OTUD3: variants seen among roughly 807,000 people sequenced by gnomAD.
OTUD3 encodes the protein OTU domain-containing protein 3.
OTUD3 carries 24 observed loss-of-function variants against 46.2 expected under a neutral mutation model. That is an observed-to-expected ratio of 0.52 (90% CI 0.38 to 0.73). The LOEUF (loss-of-function observed/expected upper bound fraction) is 0.73, where lower values mean the gene tolerates loss of function less well. OTUD3 is among the 30% of genes least tolerant of loss of function. The pLI is 0.00. For missense variants in OTUD3, 455 were observed against 523.3 expected, an observed-to-expected ratio of 0.87 and a Z score of 1.27; for synonymous variants, 189 against 195.4, an observed-to-expected ratio of 0.97 and a Z score of 0.27.
intron 2 of OTUD3, among the ~76,000 whole-genome samples, chr1:19,890,807 G>A (rs923463959): frequency 1.3e-5 from 2 of 152,158 alleles, no homozygotes; most frequent in Non-Finnish European, 2.9e-5. Flanking sequence ...GGGAAAAGCA[G>A]GCTATAACAT....
intron 1 of OTUD3, among the ~76,000 whole-genome samples, chr1:19,887,161 T>C (rs192533311): frequency 0.016 from 2,478 of 151,598 alleles, 70 homozygotes; most frequent in African/African-American, 0.056. Flanking sequence ...CTTGGCTCAC[T>C]GGAACCTCTG....
At chr1:19,906,860 T>G (rs1345241350) in intron 7 of OTUD3, 2 of 329,734 alleles carry the variant, frequency 6.1e-6, no homozygotes, top group Non-Finnish European at 1.1e-5. Context: ...ATGAAAAGCC[T>G]CCTTTTCCCA....
intron 1 of OTUD3, among the ~76,000 whole-genome samples, chr1:19,889,024 C>T (rs2045410296): frequency 6.6e-6 from 1 of 152,152 alleles, no homozygotes; most frequent in Non-Finnish European, 1.5e-5. Context: ...AATCACATCT[C>T]TTAAACTAAA....
At chr1:19,890,989 G>A (rs749229739) in intron 2 of OTUD3, among the ~76,000 whole-genome samples, 8 of 152,170 alleles carry the variant, frequency 5.3e-5, no homozygotes, top group Non-Finnish European at 1.2e-4. Flanking sequence ...ATCTCACAGG[G>A]TTTTTGGTGA....
chr1:19,899,378 A>T (rs917389439), intron 4 of OTUD3, among the ~76,000 whole-genome samples: 1 of 152,226 alleles, frequency 6.6e-6, no homozygotes. Context: ...CATCCCACAC[A>T]TACATCCTGC....
chr1:19,895,165 G>A (rs370609988), intron 3 of OTUD3, among the ~76,000 whole-genome samples: 1 of 151,942 alleles, frequency 6.6e-6, no homozygotes, highest in Non-Finnish European at 1.5e-5. Flanking sequence ...ACATATATAC[G>A]GACACTTCTG....
chr1:19,900,483 C>T (rs1256462247), intron 4 of OTUD3, among the ~76,000 whole-genome samples: 1 of 152,070 alleles, frequency 6.6e-6, no homozygotes, highest in Non-Finnish European at 1.5e-5. Context: ...AGCTACTGCA[C>T]CCAGCTCATA....
rs1187623958 is a variant in OTUD3, at chr1:19,882,427, C to G, written c.-87C>G. On this transcript the variant is annotated 5_prime_UTR_variant, in exon 1 of 8. Coordinates refer to ENST00000375120, the MANE Select transcript of OTUD3 (RefSeq NM_015207.2). ...AGTCGTCGCCGGGCTCCGTTGCCCG[C>G]GCTGTTTTACCTTCCCAACGCTTGA... 2 of 1,300,286 alleles carry G rather than the reference C, an allele frequency of 1.5e-6. No homozygotes were observed. Among genetic ancestry groups the G allele is most frequent in the South Asian group, 2.3e-5 (1 of 43,162 alleles). 80.5% of individuals were successfully genotyped at this position (1,300,286 alleles called of 1,614,324 possible).
chr1:19,889,808 G>A (rs1350400735), intron 1 of OTUD3, among the ~76,000 whole-genome samples: 1 of 152,202 alleles, frequency 6.6e-6, no homozygotes, highest in African/African-American at 2.4e-5. Context: ...ACAACTGTTT[G>A]TTGTCCAAGT....
At position 19,909,772 on chromosome 1, in the gene OTUD3, T is replaced by A. The variant is rs1035259220; in HGVS notation, c.*2026T>A. 10 of 152,356 alleles carry A rather than the reference T, an allele frequency of 6.6e-5. No individual in the cohort carries two copies. The highest frequency in any genetic ancestry group is 1.2e-4 in the Non-Finnish European group (8 of 68,044). The allele number at this position is 152,356 out of a possible 1,614,324, so 9.4% of individuals were successfully genotyped here. On this transcript the variant is annotated 3_prime_UTR_variant, in exon 8 of 8. Transcript: ENST00000375120. ...AGGTGGCCTTGGGCCCTATTGGGTT[T>A]TAGAAGTTTTAGAAGCTGCTAAAAA...
chr1:19,889,117 AACTT>A (rs780985947), intron 1 of OTUD3, among the ~76,000 whole-genome samples: 1 of 152,210 alleles, frequency 6.6e-6, no homozygotes, highest in Non-Finnish European at 1.5e-5. Context: ...TTTATCGATT[AACTT>A]ACTTTTCTCC....
At chr1:19,883,906 C>G (rs1168562438) in intron 1 of OTUD3, among the ~76,000 whole-genome samples, 1 of 152,228 alleles carries the variant, frequency 6.6e-6, no homozygotes, top group East Asian at 1.9e-4. Context: ...TGTTTATGCT[C>G]ATTGCTTCAG....
chr1:19,901,170 A>C (rs2045584390), intron 4 of OTUD3, among the ~76,000 whole-genome samples: 1 of 152,176 alleles, frequency 6.6e-6, no homozygotes. Context: ...TTGGTCTCCC[A>C]AAGTGCTGGG....
intron 1 of OTUD3, 105 bp from the exon 2 acceptor site, chr1:19,890,280 G>A (rs2100260958): frequency 8.7e-7 from 1 of 1,147,030 alleles, no homozygotes; most frequent in Non-Finnish European, 1.3e-6. Flanking sequence ...CTTTACCTCT[G>A]TGTGCACAAA....
intron 1 of OTUD3, among the ~76,000 whole-genome samples, chr1:19,883,270 G>A (rs540263674): frequency 5.3e-5 from 8 of 152,236 alleles, no homozygotes; most frequent in Admixed American, 4.6e-4. Flanking sequence ...TCCTTCCATG[G>A]GCCTCAGTTT....
At position 19,897,590 on chromosome 1, in the gene OTUD3, G is replaced by T. The variant is rs2045534038; in HGVS notation, c.534G>T (p.Arg178=). The change falls in exon 4 of 8, where the codon CGG becomes CGT. Residue 178 remains arginine, a synonymous_variant. Transcript: ENST00000375120. The part of the protein sequence containing the change: ...SSVRELHIAY[R]YGEHYDSVRR... ...TGAGGGAGTTACACATCGCATATCG[G>T]TATGGAGAGCACTACGACAGTGTTC... The T allele has an allele frequency of 1.2e-6, 2 of 1,614,010 alleles. No individual in the cohort carries two copies. Among genetic ancestry groups the T allele is most frequent in the African/African-American group, 2.7e-5 (2 of 75,016 alleles).
chr1:19,907,200 T>C (rs1188926336), intron 7 of OTUD3, among the ~76,000 whole-genome samples: 1 of 152,124 alleles, frequency 6.6e-6, no homozygotes, highest in Non-Finnish European at 1.5e-5. Context: ...AATGCCACAG[T>C]GTAAAAAGCC....
At chr1:19,895,452 A>C (rs988381074) in intron 3 of OTUD3, among the ~76,000 whole-genome samples, 2 of 152,134 alleles carry the variant, frequency 1.3e-5, no homozygotes, top group Non-Finnish European at 2.9e-5. Context: ...CCCTCCCCCA[A>C]TACCCAGCCT....
intron 1 of OTUD3, among the ~76,000 whole-genome samples, chr1:19,882,944 C>T (rs1211753372): frequency 6.6e-6 from 1 of 152,204 alleles, no homozygotes; most frequent in Non-Finnish European, 1.5e-5. Context: ...CCCAAAGGGT[C>T]CTAATCATGG....
Sources: gnomAD v4.1 joint callset for allele counts (sites outside exome capture counted in the v4.1 genomes callset) on GRCh38, gnomAD v4.1.1 for gene constraint, MANE v1.5 for transcripts, NCBI Gene and HGNC (gene_info 2026-07-23, HGNC 2026-07-21) for gene names.